Variants in ADGRD1 observed in about 807,000 individuals in gnomAD.
The protein encoded by ADGRD1 is adhesion G protein-coupled receptor D1.
A neutral mutation model predicts 113.4 loss-of-function variants in ADGRD1; 77 were observed. The ratio of observed to expected loss-of-function variants is 0.68; its 90% CI spans 0.57 to 0.82. The LOEUF (loss-of-function observed/expected upper bound fraction) is 0.82, where lower values mean the gene tolerates loss of function less well. Among genes scored for constraint, ADGRD1 ranks in the 40% least tolerant of loss-of-function variants. ADGRD1 has a pLI of 0.00. For synonymous variants in ADGRD1, 474 were observed against 475.0 expected (o/e 1.00, Z 0.03); for missense variants, 1,036 against 1,139.1 (o/e 0.91, Z 1.30).
At chr12:131,056,635 T>C (rs1011966024) in intron 13 of ADGRD1, among the ~76,000 whole-genome samples, 2 of 152,156 alleles carry the variant, frequency 1.3e-5, no homozygotes, top group African/African-American at 4.8e-5. Flanking sequence ...ATTTATAACA[T>C]GAATATTCCA....
At chr12:131,045,032 G>A (rs1040609328) in intron 13 of ADGRD1, among the ~76,000 whole-genome samples, 3 of 152,378 alleles carry the variant, frequency 2.0e-5, no homozygotes, top group Middle Eastern at 3.4e-3. Flanking sequence ...GTGCCGGTGG[G>A]TTTCTGCGGC....
intron 13 of ADGRD1, among the ~76,000 whole-genome samples, chr12:131,048,606 C>CA (rs1883077167): frequency 6.6e-6 from 1 of 152,202 alleles, no homozygotes; most frequent in Admixed American, 6.5e-5. Flanking sequence ...AGGCACCCTC[C>CA]CAGCTGACGT....
At chr12:131,046,359 C>G in intron 13 of ADGRD1, among the ~76,000 whole-genome samples, 1 of 140,716 alleles carries the variant, frequency 7.1e-6, no homozygotes, top group African/African-American at 2.7e-5. Flanking sequence ...TCAGTGTCCT[C>G]CCTGGTCAGT....
At position 131,060,426 on chromosome 12, in the gene ADGRD1, CA is replaced by C. The variant is rs1354067397; in HGVS notation, c.1474-16374del. On this transcript the variant is annotated intron_variant, in intron 13 of 24. Coordinates refer to ENST00000261654, the MANE Select transcript of ADGRD1 (RefSeq NM_198827.5). The surrounding 1 kb of genome is among the most constrained non-coding windows in gnomAD (Gnocchi z 4.4). ...AAATAATCCACGCAGGCAGCGACAG[CA>C]GGGGTCATGTTCAAAAGACCCAGCA... Among the ~76,000 whole-genome samples, 1 of 152,184 alleles carries C rather than the reference CA, an allele frequency of 6.6e-6. No individual in the cohort carries two copies. The highest frequency in any genetic ancestry group is 1.5e-5 in the Non-Finnish European group (1 of 68,028).
At chr12:131,045,621 C>T (rs1431998463) in intron 13 of ADGRD1, among the ~76,000 whole-genome samples, 1 of 152,040 alleles carries the variant, frequency 6.6e-6, no homozygotes, top group East Asian at 1.9e-4. Flanking sequence ...CTTACAACAG[C>T]TGAGAGGGAT....
chr12:131,005,828 G>T (rs1456911006), intron 11 of ADGRD1, 144 bp from the exon 12 acceptor site: 3 of 672,326 alleles, frequency 4.5e-6, no homozygotes, highest in Non-Finnish European at 5.3e-6. Context: ...TGCAAATTCT[G>T]CCCGAGTGTC....
chr12:131,061,458 T>A (rs1884324599), intron 13 of ADGRD1, among the ~76,000 whole-genome samples: 1 of 152,254 alleles, frequency 6.6e-6, no homozygotes, highest in African/African-American at 2.4e-5. Context: ...CTGCCCACGC[T>A]TGTGTTTCCC....
At chr12:131,004,038 TTTG>T in intron 10 of ADGRD1, 145 bp from the exon 11 acceptor site, 1 of 584,470 alleles carries the variant, frequency 1.7e-6, no homozygotes, top group South Asian at 2.1e-5. Context: ...TTTTTTTTTT[TTTG>T]AGGCCATGCT....
At chr12:131,083,099 C>T (rs1593181810) in intron 14 of ADGRD1, among the ~76,000 whole-genome samples, 2 of 152,214 alleles carry the variant, frequency 1.3e-5, no homozygotes, top group East Asian at 3.9e-4. Flanking sequence ...CGGACAGCCA[C>T]AGTTCTCATC....
chr12:130,994,143 C>T (rs755901342), intron 8 of ADGRD1: 10 of 350,628 alleles, frequency 2.9e-5, no homozygotes, highest in South Asian at 6.3e-5. Context: ...GGAGCGCTTC[C>T]GGGCTCCGAA....
At chr12:131,036,853 CTCACTCACTACACCAGGTT>C (rs1307784288) in intron 13 of ADGRD1, among the ~76,000 whole-genome samples, 3 of 144,142 alleles carry the variant, frequency 2.1e-5, no homozygotes, top group Admixed American at 2.0e-4. Context: ...TGCATGGGGC[CTCACTCACTACACCAGGTT>C]TCACTCACTG....
Position 130,992,334 on chromosome 12 carries a change from T to C in ADGRD1, c.908T>C (p.Val303Ala). 3 of 1,613,564 alleles carry C rather than the reference T, an allele frequency of 1.9e-6. No individual in the cohort carries two copies. The highest frequency in any genetic ancestry group is 2.5e-6 in the Non-Finnish European group (3 of 1,179,508). ...PGVILSYLQN[V>A]SLSLPSKSLS... The stretch of plus-strand genomic sequence containing the variant: ...GTGATACTGAGTTACCTCCAAAATG[T>C]ATCCCTCAGCTTACCCAGTAAGTCC... Residue 303 changes from valine (V) to alanine (A), a missense_variant, in exon 8 of 25, where the codon GTA (valine) becomes GCA (alanine). Val to Ala is a moderately conservative substitution (Grantham distance 64). Transcript: ENST00000261654.
chr12:131,033,827 C>G (rs755375743), intron 13 of ADGRD1, among the ~76,000 whole-genome samples: 1 of 152,144 alleles, frequency 6.6e-6, no homozygotes, highest in South Asian at 2.1e-4. Flanking sequence ...CTTCCCTGAG[C>G]CGCGTGGGTG....
At chr12:131,081,336 CTT>C (rs1471742228) in intron 14 of ADGRD1, among the ~76,000 whole-genome samples, 1 of 152,116 alleles carries the variant, frequency 6.6e-6, no homozygotes, top group African/African-American at 2.4e-5. Context: ...TGTCTTCTAA[CTT>C]TTCTATCTTT....
intron 13 of ADGRD1, among the ~76,000 whole-genome samples, chr12:131,034,779 G>A (rs1311176951): frequency 6.6e-6 from 1 of 152,156 alleles, no homozygotes; most frequent in Non-Finnish European, 1.5e-5. Context: ...CTCTACCTGA[G>A]GCTCTCTCCT....
chr12:130,963,226 A>C (rs1870586600), intron 2 of ADGRD1, among the ~76,000 whole-genome samples: 1 of 148,190 alleles, frequency 6.7e-6, no homozygotes, highest in South Asian at 2.2e-4. Flanking sequence ...AAGCTGAGGC[A>C]GGAGAATGGC....
intron 2 of ADGRD1, among the ~76,000 whole-genome samples, chr12:130,955,365 G>A (rs1441708333): frequency 2.0e-5 from 3 of 152,140 alleles, no homozygotes; most frequent in Non-Finnish European, 4.4e-5. Context: ...TTAGCCTGGA[G>A]CAGCCGATGA....
intron 13 of ADGRD1, among the ~76,000 whole-genome samples, chr12:131,019,621 C>T (rs1879061458): frequency 6.6e-6 from 1 of 152,238 alleles, no homozygotes; most frequent in Non-Finnish European, 1.5e-5. Flanking sequence ...GCAAAGAGCC[C>T]AGTGCTGCCA....
At chr12:131,081,148 C>T (rs1886042273) in intron 14 of ADGRD1, among the ~76,000 whole-genome samples, 1 of 152,036 alleles carries the variant, frequency 6.6e-6, no homozygotes, top group African/African-American at 2.4e-5. Flanking sequence ...CATAATTTAA[C>T]TTTTATCTTA....
Sources: gnomAD v4.1 joint callset for allele counts (sites outside exome capture counted in the v4.1 genomes callset) on GRCh38, gnomAD v4.1.1 for gene constraint, Gnocchi (gnomAD v3.1) non-coding constraint, MANE v1.5 for transcripts, NCBI Gene and HGNC (gene_info 2026-07-23, HGNC 2026-07-21) for gene names.